DIABLO: variants seen among roughly 807,000 people sequenced by gnomAD.
DIABLO encodes diablo homolog, mitochondrial.
Under a neutral mutation model 31.7 loss-of-function variants are expected in DIABLO, and 32 were observed. That is an observed-to-expected ratio of 1.01 (90% confidence interval 0.76 to 1.35). The LOEUF is 1.35. Ranked by LOEUF, DIABLO falls within the 40% of genes most tolerant of loss-of-function variation. The pLI, the probability that DIABLO is intolerant of heterozygous loss-of-function variation, is 0.00. For synonymous variants in DIABLO, 132 were observed against 103.2 expected (o/e 1.28, Z -1.69); for missense variants, 316 against 286.4 (o/e 1.10, Z -0.75).
intron 3 of DIABLO, chr12:122,217,104 G>C: frequency 2.1e-6 from 1 of 479,060 alleles, no homozygotes; most frequent in Non-Finnish European, 3.8e-6. Context: ...CACAGAAAGA[G>C]AAAACAATGC....
chr12:122,216,648 AAGT>A (rs1175279431), intron 4 of DIABLO, 64 bp from the exon 5 acceptor site: 10 of 1,564,154 alleles, frequency 6.4e-6, no homozygotes, highest in Admixed American at 5.0e-5. Context: ...AATGGACTTA[AAGT>A]AGTAGATTTA....
rs185727878 is a variant in DIABLO at position 122,224,289 on chromosome 12, T to A, written c.183+223A>T. On this transcript the variant is annotated intron_variant, in intron 2 of 5. Coordinates refer to ENST00000464942, the MANE Select transcript of DIABLO (RefSeq NM_001371333.1). ...ATAGACTGTAATATCCTCTTATTTC[T>A]CTCTACTCGCTTTATACAATTTGAT... is the stretch of plus-strand genomic sequence containing the variant. 2.0e-5 allele frequency among the ~76,000 whole-genome samples: 3 copies of A among 152,192 alleles called. No homozygotes were observed. In the East Asian group the frequency reaches 5.8e-4, roughly 29 times the overall value.
intron 5 of DIABLO, chr12:122,209,088 A>C (rs758303392): frequency 6.8e-5 from 19 of 280,474 alleles, no homozygotes; most frequent in Admixed American, 3.1e-4. Context: ...GGCCGGGCGC[A>C]GTGGCTCACG....
rs191312589 is a variant in DIABLO, at chr12:122,214,041, C to T, written c.523+2447G>A. Among the ~76,000 whole-genome samples the T allele has an allele frequency of 1.0e-3, 157 of 152,112 alleles. 1 individual carries two copies. The highest frequency in any genetic ancestry group is 6.5e-3 in the Admixed American group (99 of 15,268). The stretch of plus-strand genomic sequence containing the variant: ...TGGAGGTTGCAGTGAGCTGAGTTCA[C>T]ACCACTGCACTCCAGCCTGGGGGAT... On this transcript the variant is annotated intron_variant, in intron 5 of 5. Transcript: ENST00000464942.
At chr12:122,209,383 G>T (rs1027819921) in intron 5 of DIABLO, among the ~76,000 whole-genome samples, 6 of 151,786 alleles carry the variant, frequency 4.0e-5, no homozygotes, top group African/African-American at 1.5e-4. Flanking sequence ...AAGAAAAAAG[G>T]CTGGGTGCAG....
chr12:122,226,596 G>T (rs1298690994), upstream of DIABLO: 4 of 686,018 alleles, frequency 5.8e-6, no homozygotes, highest in South Asian at 6.0e-5. Flanking sequence ...GACGGTCGGC[G>T]GCCTGCCGGG....
At position 122,224,764 on chromosome 12, in the gene DIABLO, G is replaced by A. The variant is rs937724199; in HGVS notation, c.51-120C>T. ...AAGCAGGAACCTAAATGAGGATGCA[G>A]GACAGCTGAGGGGTTTTGAAATTTT... On this transcript the variant is annotated intron_variant, in intron 1 of 5. Transcript: ENST00000464942. The A allele has an allele frequency of 1.9e-6, 3 of 1,597,888 alleles. No homozygotes were observed. In the Admixed American group the frequency reaches 5.2e-5, roughly 28 times the overall value.
At chr12:122,215,883 GA>G (rs60645708) in intron 5 of DIABLO, among the ~76,000 whole-genome samples, 48,501 of 94,114 alleles carry the variant, frequency 0.52, 11,803 homozygotes, top group Non-Finnish European at 0.63. Flanking sequence ...TTTTATGAAG[GA>G]AAAAAAAAAA....
rs766719605 is a variant in DIABLO, at chr12:122,225,978, T to A, written c.37A>T (p.Thr13Ser). 2 of 1,600,512 alleles carry A rather than the reference T, an allele frequency of 1.2e-6. No homozygotes were observed. The highest frequency in any genetic ancestry group is 2.3e-5 in the East Asian group (1 of 44,368). The change falls in exon 1 of 6, where the codon ACT becomes TCT. Residue 13 changes from threonine (T) to serine (S), a missense_variant. Coordinates refer to ENST00000464942, the MANE Select transcript of DIABLO (RefSeq NM_001371333.1). Reference sequence around the variant, plus strand: ...CCGCAGCGGTACCTGAAGAATGAAGTTACGCTGCGCGACAGCCAACTCTTC... The same window carrying A: ...CCGCAGCGGTACCTGAAGAATGAAGATACGCTGCGCGACAGCCAACTCTTC... ...ALKSWLSRSV[T>S]SFFRYRQCLC...
intron 3 of DIABLO, chr12:122,217,460 A>T (rs1954240808): frequency 6.3e-6 from 1 of 159,574 alleles, no homozygotes; most frequent in African/African-American, 2.4e-5. Flanking sequence ...GATTGCAGCG[A>T]GCTGACATCA....
intron 2 of DIABLO, 52 bp from the exon 3 acceptor site, chr12:122,218,449 T>C (rs751179475): frequency 6.2e-7 from 1 of 1,612,938 alleles, no homozygotes; most frequent in South Asian, 1.1e-5. Flanking sequence ...ACTGAGAACT[T>C]TTTCACCAAT....
chr12:122,226,217 C>CG, upstream of DIABLO: 1 of 830,936 alleles, frequency 1.2e-6, no homozygotes, highest in Non-Finnish European at 2.0e-6. Context: ...AACCAACCGC[C>CG]GGAACTTCCG....
intron 1 of DIABLO, 179 bp downstream of exon 1, chr12:122,225,786 C>T: frequency 6.9e-7 from 1 of 1,455,392 alleles, no homozygotes; most frequent in Non-Finnish European, 9.0e-7. Flanking sequence ...CCGGGCTTGA[C>T]CCAGGGGGCG....
At chr12:122,210,216 G>GT (rs1056005526) in intron 5 of DIABLO, among the ~76,000 whole-genome samples, 6 of 152,096 alleles carry the variant, frequency 3.9e-5, no homozygotes, top group Non-Finnish European at 7.4e-5. Flanking sequence ...TCATACAGTA[G>GT]TAAGAGGAGG....
chr12:122,223,617 C>A (rs1372062641), intron 2 of DIABLO, among the ~76,000 whole-genome samples: 1 of 152,124 alleles, frequency 6.6e-6, no homozygotes, highest in East Asian at 1.9e-4. Context: ...ACATACCAGG[C>A]ATACTTCTGC....
chr12:122,223,488 C>T (rs1018404881), intron 2 of DIABLO, among the ~76,000 whole-genome samples: 5 of 151,848 alleles, frequency 3.3e-5, no homozygotes, highest in Non-Finnish European at 1.5e-5. Context: ...AACCCAAAGC[C>T]TTACAACAAT....
intron 2 of DIABLO, chr12:122,218,605 C>T: frequency 1.7e-6 from 1 of 600,084 alleles, no homozygotes; most frequent in Non-Finnish European, 2.9e-6. Flanking sequence ...TTTCTACCAA[C>T]TTTCATTCTC....
At chr12:122,225,914 G>A (rs1426997129) in intron 1 of DIABLO, 51 bp downstream of exon 1, 15 of 1,554,144 alleles carry the variant, frequency 9.7e-6, no homozygotes, top group Non-Finnish European at 1.0e-5. Flanking sequence ...AGCGCTGTCC[G>A]CGTCGGTCCC....
At chr12:122,217,273 G>C (rs112998769) in intron 3 of DIABLO, 1 of 252,946 alleles carries the variant, frequency 4.0e-6, no homozygotes, top group Non-Finnish European at 7.7e-6. Context: ...AGCACTTTGG[G>C]AGGCTAAGAC....
Sources: gnomAD v4.1 joint callset for allele counts (sites outside exome capture counted in the v4.1 genomes callset) on GRCh38, gnomAD v4.1.1 for gene constraint, MANE v1.5 for transcripts, NCBI Gene and HGNC (gene_info 2026-07-23, HGNC 2026-07-21) for gene names.